Variants in BRINP1 observed in about 807,000 individuals in gnomAD.
BRINP1 encodes the protein BMP/retinoic acid inducible neural specific 1.
BRINP1 carries 17 observed loss-of-function variants against 72.9 expected under a neutral mutation model. That is an observed-to-expected ratio of 0.23 (90% CI 0.16 to 0.35). BRINP1 has a LOEUF of 0.35. Ranked by LOEUF, BRINP1 falls within the 10% of genes least tolerant of loss-of-function variation. The pLI is 1.00. For synonymous variants in BRINP1, 418 were observed against 378.5 expected, an observed-to-expected ratio of 1.10 and a Z score of -1.21; for missense variants, 850 against 1,001.6, an observed-to-expected ratio of 0.85 and a Z score of 2.04.
chr9:119,305,314 A>T (rs1830984318), intron 2 of BRINP1, among the ~76,000 whole-genome samples: 1 of 152,240 alleles, frequency 6.6e-6, no homozygotes, highest in Non-Finnish European at 1.5e-5. Context: ...AAAATGTACA[A>T]AAACAACAAC....
intron 7 of BRINP1, among the ~76,000 whole-genome samples, chr9:119,208,321 T>C (rs1293293738): frequency 6.6e-6 from 1 of 152,234 alleles, no homozygotes; most frequent in Non-Finnish European, 1.5e-5. Context: ...TGGCGAATGA[T>C]TAATTAGTTA....
At chr9:119,301,191 C>A (rs549870097) in intron 2 of BRINP1, among the ~76,000 whole-genome samples, 1 of 152,322 alleles carries the variant, frequency 6.6e-6, no homozygotes, top group South Asian at 2.1e-4. Context: ...CTCAAAAAGT[C>A]TCCTTGTCTT....
intron 7 of BRINP1, among the ~76,000 whole-genome samples, chr9:119,204,795 A>T (rs1234526615): frequency 6.6e-6 from 1 of 152,242 alleles, no homozygotes; most frequent in African/African-American, 2.4e-5. Context: ...GAGGTGCAGG[A>T]CTTACATAAA....
At chr9:119,181,284 G>A (rs1272730189) in intron 7 of BRINP1, among the ~76,000 whole-genome samples, 2 of 152,154 alleles carry the variant, frequency 1.3e-5, no homozygotes, top group African/African-American at 4.8e-5. Context: ...GGTCTAGTGG[G>A]CCTTAACCCT....
At chr9:119,294,541 C>A (rs1051754719) in intron 2 of BRINP1, among the ~76,000 whole-genome samples, 1 of 149,266 alleles carries the variant, frequency 6.7e-6, no homozygotes, top group Non-Finnish European at 1.5e-5. Flanking sequence ...ACAACAACAA[C>A]GACAAAACAC....
intron 7 of BRINP1, among the ~76,000 whole-genome samples, chr9:119,176,645 T>C (rs1255712914): frequency 6.6e-6 from 1 of 152,146 alleles, no homozygotes; most frequent in African/African-American, 2.4e-5. Flanking sequence ...TGAGATAATA[T>C]ATTTAAAGTG....
chr9:119,250,483 T>G (rs1216092546), intron 2 of BRINP1, among the ~76,000 whole-genome samples: 1 of 152,212 alleles, frequency 6.6e-6, no homozygotes, highest in Non-Finnish European at 1.5e-5. Context: ...TTTCTTCATC[T>G]ATAAAATTCA....
rs183465953 is a variant in BRINP1 at position 119,252,477 on chromosome 9, T to C, written c.219-3327A>G. Among the ~76,000 whole-genome samples the C allele has an allele frequency of 5.5e-3, 833 of 151,936 alleles. 6 individuals carry two copies. Among genetic ancestry groups the C allele is most frequent in the South Asian group, 0.02 (97 of 4,818 alleles). On this transcript the variant is annotated intron_variant, in intron 2 of 7. Transcript: ENST00000265922. ...AAATTTATAAAATTATATATACATA[T>C]AATTATGAGGTTATATATATATATG...
intron 7 of BRINP1, among the ~76,000 whole-genome samples, chr9:119,172,611 A>C (rs1480465215): frequency 1.3e-5 from 2 of 151,364 alleles, no homozygotes; most frequent in Non-Finnish European, 2.9e-5. Context: ...AAAAGAGGGA[A>C]TCCTCCCTAA....
Position 119,294,156 on chromosome 9 carries a change from C to T in BRINP1, c.218+18982G>A, listed in dbSNP as rs557508422. ...ATATCTTAAAAATTATAAAAACAAC[C>T]CCATTTACAATAGTAAGAAAAAGTA... On this transcript the variant is annotated intron_variant, in intron 2 of 7. Transcript: ENST00000265922. Among the ~76,000 whole-genome samples, 4 of 152,016 alleles carry T rather than the reference C, an allele frequency of 2.6e-5. No individual in the cohort carries two copies. In the South Asian group the frequency reaches 8.3e-4, roughly 32 times the overall value.
chr9:119,234,267 T>A (rs1830173363), intron 5 of BRINP1, among the ~76,000 whole-genome samples: 1 of 152,192 alleles, frequency 6.6e-6, no homozygotes, highest in Admixed American at 6.5e-5. Flanking sequence ...TTGCTTCACA[T>A]TGTCCCTCCT....
At chr9:119,221,401 T>C (rs181641778) in intron 5 of BRINP1, among the ~76,000 whole-genome samples, 5 of 152,166 alleles carry the variant, frequency 3.3e-5, no homozygotes, top group African/African-American at 7.2e-5. Flanking sequence ...AATGAAGGCA[T>C]GCAGGTCAAT....
chr9:119,281,211 C>A (rs986715624), intron 2 of BRINP1, among the ~76,000 whole-genome samples: 1 of 152,166 alleles, frequency 6.6e-6, no homozygotes, highest in African/African-American at 2.4e-5. Flanking sequence ...TCATGCCTGG[C>A]CTGGCAGAGA....
At chr9:119,249,434 TAGGGGTTGGGTAG>T (rs1485845821) in intron 2 of BRINP1, among the ~76,000 whole-genome samples, 3 of 152,140 alleles carry the variant, frequency 2.0e-5, no homozygotes, top group Admixed American at 2.0e-4. Context: ...TTACTTTTAT[TAGGGGTTGGGTAG>T]AGGGACTGAG....
At chr9:119,239,271 A>T (rs970803243) in intron 4 of BRINP1, among the ~76,000 whole-genome samples, 1 of 152,236 alleles carries the variant, frequency 6.6e-6, no homozygotes, top group Non-Finnish European at 1.5e-5. Flanking sequence ...AAATGGCTCT[A>T]TAAGTTATAA....
chr9:119,307,996 G>A (rs1245063915), intron 2 of BRINP1, among the ~76,000 whole-genome samples: 1 of 152,096 alleles, frequency 6.6e-6, no homozygotes, highest in Non-Finnish European at 1.5e-5. Context: ...CAAATGGAGA[G>A]ATAATAGCAA....
chr9:119,214,309 G>C lies in BRINP1; in HGVS notation c.686-154C>G, dbSNP rs529305168. ...TTCTGGGCCAACCTAGATCCAGACA[G>C]GGTATTATTGGTGAGGCTTCCAGTT... is the stretch of plus-strand genomic sequence containing the variant. On this transcript the variant is annotated intron_variant, in intron 5 of 7. Transcript: ENST00000265922. Among the ~76,000 whole-genome samples the C allele has an allele frequency of 2.0e-5, 3 of 152,304 alleles. No homozygotes were observed. The South Asian group carries it at 6.2e-4, about 32-fold the overall frequency.
chr9:119,367,749 C>T (rs1351232377), intron 1 of BRINP1, among the ~76,000 whole-genome samples: 1 of 152,210 alleles, frequency 6.6e-6, no homozygotes, highest in Admixed American at 6.5e-5. Flanking sequence ...ATTACTGCCA[C>T]ATTCTGTCAT....
chr9:119,284,884 T>C (rs1032127617), intron 2 of BRINP1, among the ~76,000 whole-genome samples: 1 of 152,164 alleles, frequency 6.6e-6, no homozygotes, highest in Non-Finnish European at 1.5e-5. Flanking sequence ...TTGGAAATGA[T>C]AAAGTCCTAT....
Sources: gnomAD v4.1 joint callset for allele counts (sites outside exome capture counted in the v4.1 genomes callset) on GRCh38, gnomAD v4.1.1 for gene constraint, MANE v1.5 for transcripts, NCBI Gene and HGNC (gene_info 2026-07-23, HGNC 2026-07-21) for gene names.